The following STK3 variants were observed in gnomAD, a reference collection of about 807,000 sequenced individuals.
STK3 encodes serine/threonine-protein kinase 3.
In STK3, 41 loss-of-function variants were observed where a neutral mutation model predicts 58.0. The ratio of observed to expected loss-of-function variants is 0.71; its 90% CI spans 0.55 to 0.92. The LOEUF (loss-of-function observed/expected upper bound fraction) is 0.92. Ranked by LOEUF, STK3 falls within the 40% of genes least tolerant of loss-of-function variation. The pLI is 0.00. For synonymous variants in STK3, 170 were observed against 191.0 expected (o/e 0.89, Z 0.91); for missense variants, 479 against 602.7 (o/e 0.79, Z 2.15).
chr8:98,511,080 CA>C (rs900037079), intron 10 of STK3, among the ~76,000 whole-genome samples: 8 of 151,976 alleles, frequency 5.3e-5, no homozygotes, highest in African/African-American at 1.9e-4. Context: ...AAATCGGTCT[CA>C]AAAAATATGA....
chr8:98,482,410 A>G (rs1821919852), intron 10 of STK3, among the ~76,000 whole-genome samples: 1 of 152,256 alleles, frequency 6.6e-6, no homozygotes, highest in African/African-American at 2.4e-5. Flanking sequence ...GATCTTCTGA[A>G]TAAACTACGT....
intron 1 of STK3, among the ~76,000 whole-genome samples, chr8:98,781,764 T>C (rs1832104160): frequency 6.6e-6 from 1 of 151,278 alleles, no homozygotes; most frequent in African/African-American, 2.4e-5. Flanking sequence ...AATTCAACAT[T>C]CACAAATGTA....
At chr8:98,898,266 A>C (rs941242739) in intron 1 of STK3, among the ~76,000 whole-genome samples, 2 of 152,200 alleles carry the variant, frequency 1.3e-5, no homozygotes, top group African/African-American at 4.8e-5. Flanking sequence ...CTCTGTGTGA[A>C]AGCATCATCA....
intron 10 of STK3, among the ~76,000 whole-genome samples, chr8:98,497,307 C>A (rs1442163261): frequency 6.6e-6 from 1 of 152,032 alleles, no homozygotes; most frequent in Non-Finnish European, 1.5e-5. Context: ...CAAAATAGAT[C>A]AAAGACCTAT....
At chr8:98,815,014 T>C (rs984366561) in intron 1 of STK3, among the ~76,000 whole-genome samples, 4 of 152,214 alleles carry the variant, frequency 2.6e-5, no homozygotes, top group African/African-American at 9.6e-5. Flanking sequence ...GTGTTATTTG[T>C]CTTGGATTAT....
chr8:98,714,909 G>C (rs932364834), intron 4 of STK3, among the ~76,000 whole-genome samples: 3 of 152,128 alleles, frequency 2.0e-5, no homozygotes, highest in Admixed American at 6.5e-5. Flanking sequence ...AACCAAAACA[G>C]CATGGTACTG....
chr8:98,362,020 G>A, the STK3 span, among the ~76,000 whole-genome samples: 1 of 152,134 alleles, frequency 6.6e-6, no homozygotes, highest in African/African-American at 2.4e-5. Flanking sequence ...CAAGCTCCTG[G>A]CAGACTCCAT....
At chr8:98,868,225 T>C (rs545228568) in intron 3 of STK3, among the ~76,000 whole-genome samples, 25 of 152,240 alleles carry the variant, frequency 1.6e-4, no homozygotes, top group Non-Finnish European at 2.6e-4. Context: ...TACCTTTTAC[T>C]GAAGTCAACT....
chr8:98,386,015 A>T (rs1011632262), intron 1 of STK3, among the ~76,000 whole-genome samples: 6 of 152,200 alleles, frequency 3.9e-5, no homozygotes, highest in African/African-American at 1.4e-4. Flanking sequence ...GACGAAAAAT[A>T]GCATTACACC....
intron 6 of STK3, among the ~76,000 whole-genome samples, chr8:98,649,706 T>C (rs1436446575): frequency 6.6e-6 from 1 of 152,190 alleles, no homozygotes. Context: ...AGTCAACAAG[T>C]ATGAACATTA....
chr8:98,515,972 G>A (rs1824902288), intron 10 of STK3, among the ~76,000 whole-genome samples: 1 of 151,976 alleles, frequency 6.6e-6, no homozygotes, highest in East Asian at 1.9e-4. Context: ...CTCAATATGT[G>A]TCAGCTGCTG....
intron 10 of STK3, among the ~76,000 whole-genome samples, chr8:98,501,247 T>C (rs1341279623): frequency 1.3e-5 from 2 of 151,944 alleles, no homozygotes; most frequent in Non-Finnish European, 2.9e-5. Flanking sequence ...GCCCACTTTT[T>C]GATGGTTTTT....
At chr8:98,405,990 T>C (rs1423950980) in intron 3 of STK3, among the ~76,000 whole-genome samples, 1 of 152,060 alleles carries the variant, frequency 6.6e-6, no homozygotes, top group East Asian at 1.9e-4. Context: ...ACAAACCATA[T>C]CATAAGGTGA....
intron 1 of STK3, among the ~76,000 whole-genome samples, chr8:98,381,515 C>A (rs997035567): frequency 2.0e-5 from 3 of 152,172 alleles, no homozygotes; most frequent in Admixed American, 6.6e-5. Context: ...GGGGATAGAG[C>A]AGATTAATTC....
chr8:98,669,974 T>C (rs1822701934), intron 6 of STK3, among the ~76,000 whole-genome samples: 1 of 152,230 alleles, frequency 6.6e-6, no homozygotes, highest in Non-Finnish European at 1.5e-5. Flanking sequence ...TCCACCTATA[T>C]CTGTAGTAGA....
intron 4 of STK3, among the ~76,000 whole-genome samples, chr8:98,709,695 G>A (rs1170102441): frequency 6.6e-6 from 1 of 152,098 alleles, no homozygotes; most frequent in African/African-American, 2.4e-5. Context: ...GAAACCACAT[G>A]ATCATTTCAA....
intron 6 of STK3, among the ~76,000 whole-genome samples, chr8:98,660,259 G>C (rs1296489320): frequency 6.6e-6 from 1 of 152,010 alleles, no homozygotes; most frequent in Non-Finnish European, 1.5e-5. Context: ...GTTACCAAGG[G>C]CTGGAGGGAG....
intron 3 of STK3, among the ~76,000 whole-genome samples, chr8:98,878,063 T>C (rs1421705681): frequency 2.0e-5 from 3 of 150,064 alleles, no homozygotes; most frequent in Admixed American, 1.3e-4. Flanking sequence ...AGAAAATCTT[T>C]TTTTTTTTTT....
intron 6 of STK3, among the ~76,000 whole-genome samples, chr8:98,683,949 T>C (rs1300077185): frequency 6.6e-6 from 1 of 152,178 alleles, no homozygotes; most frequent in East Asian, 1.9e-4. Flanking sequence ...GTTATTATTT[T>C]CATTTGATGG....
Sources: allele counts gnomAD v4.1 joint callset (sites outside exome capture counted in the v4.1 genomes callset), GRCh38; gene constraint gnomAD v4.1.1; transcripts MANE v1.5; gene names NCBI Gene and HGNC (gene_info 2026-07-23, HGNC 2026-07-21).